The following SMG6 variants were observed in gnomAD, a reference collection of about 807,000 sequenced individuals.
SMG6 encodes SMG6 nonsense mediated mRNA decay factor, also known as telomerase-binding protein EST1A.
In SMG6, 66 loss-of-function variants were observed where a neutral mutation model predicts 142.2. That is an observed-to-expected ratio of 0.46 (90% CI 0.38 to 0.57). The LOEUF (loss-of-function observed/expected upper bound fraction) is 0.57, where lower values mean the gene tolerates loss of function less well. Among genes scored for constraint, SMG6 ranks in the 20% least tolerant of loss-of-function variants. The pLI is 0.00. For missense variants in SMG6, 1,793 were observed against 1,832.0 expected (o/e 0.98, Z 0.39); for synonymous variants, 779 against 702.4 (o/e 1.11, Z -1.72).
intron 10 of SMG6, among the ~76,000 whole-genome samples, chr17:2,225,740 T>C (rs2073296677): frequency 6.6e-6 from 1 of 152,222 alleles, no homozygotes. Flanking sequence ...CTTTTGATTT[T>C]GGCAAGGTGA....
rs906491954 is a variant in SMG6, at chr17:2,134,863, TTTAAAAAG to T, written c.3357+37787_3357+37794del. Among the ~76,000 whole-genome samples, 13 of 135,222 alleles carry T rather than the reference TTTAAAAAG, an allele frequency of 9.6e-5. No individual in the cohort carries two copies. In the Admixed American group the frequency reaches 9.7e-4, roughly 10 times the overall value. The allele number at this position is 135,222 out of a possible 152,430, so 88.7% of individuals were successfully genotyped here. A position where few individuals can be genotyped will look rare whatever the true frequency, so the allele number is the denominator to read the frequency against. On this transcript the variant is annotated intron_variant, in intron 13 of 18. Coordinates refer to ENST00000263073, the MANE Select transcript of SMG6 (RefSeq NM_017575.5). The stretch of plus-strand genomic sequence containing the variant: ...CTCCCTGTCATCATCCCAGACCTTT[TTTAAAAAG>T]TTTTATTTTAATTTATTTTTTTTTT...
chr17:2,235,628 C>G (rs570599098), intron 10 of SMG6: 17 of 152,654 alleles, frequency 1.1e-4, no homozygotes, highest in Admixed American at 3.9e-4. Context: ...ACCAAACACT[C>G]TCTGTCAGTG....
chr17:2,173,185 A>G, intron 12 of SMG6: 1 of 330,546 alleles, frequency 3.0e-6, no homozygotes, highest in Non-Finnish European at 5.8e-6. Context: ...GCTTACTCAA[A>G]CACTCTAGAC....
At chr17:2,221,599 T>A (rs2073171182) in intron 10 of SMG6, among the ~76,000 whole-genome samples, 1 of 152,234 alleles carries the variant, frequency 6.6e-6, no homozygotes, top group Non-Finnish European at 1.5e-5. Flanking sequence ...ATGCCAGATG[T>A]AAAATATGCA....
chr17:2,225,795 G>A (rs1274506953), intron 10 of SMG6, among the ~76,000 whole-genome samples: 2 of 152,168 alleles, frequency 1.3e-5, no homozygotes, highest in Admixed American at 1.3e-4. Flanking sequence ...AAGAAAAGAA[G>A]ACTAGTGCTG....
In SMG6 at chr17:2,300,302, G is replaced by C. The variant is rs141526751; in HGVS notation, c.451C>G (p.Arg151Gly). The C allele has an allele frequency of 2.5e-6, 4 of 1,614,016 alleles. No individual in the cohort carries two copies. Among genetic ancestry groups the C allele is most frequent in the Non-Finnish European group, 3.4e-6 (4 of 1,180,036 alleles). Reference protein sequence around the residue: ...PDLQIYQPGRRLQTVSKESAS... With the variant: ...PDLQIYQPGRGLQTVSKESAS... ...GATTCTTTGCTAACAGTCTGCAAAC[G>C]TCGTCCAGGCTGATAGATCTGCAGG... Residue 151 changes from arginine (R) to glycine (G), a missense_variant, in exon 2 of 19, where the codon CGT (arginine) becomes GGT (glycine). By Grantham distance (125) the Arg-to-Gly change is moderately radical. Around this residue, in one of 3 missense-constraint regions of SMG6, gnomAD observed 1,597 missense variants for 1,584.6 expected, o/e 1.01. Coordinates refer to ENST00000263073, the MANE Select transcript of SMG6 (RefSeq NM_017575.5).
At chr17:2,188,972 C>T (rs1453875760) in intron 10 of SMG6, among the ~76,000 whole-genome samples, 1 of 152,176 alleles carries the variant, frequency 6.6e-6, no homozygotes, top group East Asian at 1.9e-4. Context: ...CCTGAACGCG[C>T]CCGATCTCGT....
intron 11 of SMG6, 43 bp from the exon 12 acceptor site, chr17:2,186,874 GCC>G (rs749883137): frequency 6.3e-7 from 1 of 1,598,224 alleles, no homozygotes; most frequent in Non-Finnish European, 8.5e-7. Flanking sequence ...GTCTGCTGTA[GCC>G]CCCGAGTGAG....
In SMG6 at chr17:2,283,717, C is replaced by T. The variant is rs1243405008; in HGVS notation, c.2356G>A (p.Val786Ile). 6.2e-7 allele frequency: 1 copy of T among 1,613,994 alleles called. No homozygotes were observed. The highest frequency in any genetic ancestry group is 1.1e-5 in the South Asian group (1 of 91,052). The change falls in exon 7 of 19, where the codon GTC becomes ATC. Residue 786 changes from valine to isoleucine, a missense_variant. Coordinates refer to ENST00000263073, the MANE Select transcript of SMG6 (RefSeq NM_017575.5). ...GCTAAACTGCGCATATAGTAATAGA[C>T]AGCGTCAAGCTTCCTCCTCTGTGGA... ...AVYTRRKLDAVYYYMRSLAAS... is the reference protein window; with the variant it reads ...AVYTRRKLDAIYYYMRSLAAS...
chr17:2,171,610 G>A (rs1449307998), intron 13 of SMG6, among the ~76,000 whole-genome samples: 1 of 152,056 alleles, frequency 6.6e-6, no homozygotes, highest in Non-Finnish European at 1.5e-5. Context: ...CTGGGCTCAA[G>A]CGATCCGCCC....
intron 13 of SMG6, among the ~76,000 whole-genome samples, chr17:2,152,659 T>C (rs1372066411): frequency 6.6e-6 from 1 of 152,148 alleles, no homozygotes; most frequent in African/African-American, 2.4e-5. Context: ...CTAGTATAAT[T>C]ATTAAAAAAC....
At chr17:2,247,168 G>A (rs538490726) in intron 8 of SMG6, among the ~76,000 whole-genome samples, 2 of 152,308 alleles carry the variant, frequency 1.3e-5, no homozygotes, top group Admixed American at 6.5e-5. Flanking sequence ...GGATCTAAAT[G>A]CTCGCTTGAC....
chr17:2,160,324 A>T (rs2071136865), intron 13 of SMG6, among the ~76,000 whole-genome samples: 2 of 152,114 alleles, frequency 1.3e-5, no homozygotes, highest in Non-Finnish European at 2.9e-5. Context: ...GGTTCAAGTG[A>T]TTCTTGTGCC....
intron 13 of SMG6, among the ~76,000 whole-genome samples, chr17:2,114,249 G>A (rs1166144421): frequency 6.6e-6 from 1 of 152,018 alleles, no homozygotes; most frequent in African/African-American, 2.4e-5. Flanking sequence ...CAGCCTGGGT[G>A]ACAGAGTGGG....
chr17:2,121,078 C>T (rs551622030), intron 13 of SMG6, among the ~76,000 whole-genome samples: 3 of 152,186 alleles, frequency 2.0e-5, no homozygotes, highest in Non-Finnish European at 2.9e-5. Context: ...CTGTGGGCCA[C>T]GGGTTGGACA....
At chr17:2,099,446 A>C (rs927399624) in intron 13 of SMG6, among the ~76,000 whole-genome samples, 2 of 152,096 alleles carry the variant, frequency 1.3e-5, no homozygotes, top group African/African-American at 2.4e-5. Flanking sequence ...ACCTCCTAAG[A>C]AGTGACATTT....
At chr17:2,180,126 ACTC>A (rs925058195) in intron 12 of SMG6, among the ~76,000 whole-genome samples, 4 of 151,888 alleles carry the variant, frequency 2.6e-5, no homozygotes, top group African/African-American at 9.7e-5. Flanking sequence ...CTGTCGCTCT[ACTC>A]CTCTCCAGCA....
Position 2,237,453 on chromosome 17 carries a change from C to G in SMG6, c.2724-816G>C, listed in dbSNP as rs528471183. On this transcript the variant is annotated intron_variant, in intron 9 of 18. Transcript: ENST00000263073. The stretch of plus-strand genomic sequence containing the variant: ...CTGAGGTACTATCACACTGACTGTT[C>G]CGCCTAACGATCCCAAATTTCCCCT... 1.3e-4 allele frequency: 122 copies of G among 925,958 alleles called. 1 individual carries two copies. The South Asian group carries it at 5.5e-3, about 42-fold the overall frequency. The allele number at this position is 925,958 out of a possible 1,614,324, so 57.4% of individuals were successfully genotyped here. A position where few individuals can be genotyped will look rare whatever the true frequency, so the allele number is the denominator to read the frequency against.
chr17:2,164,790 AGCCAG>A (rs1439615256), intron 13 of SMG6, among the ~76,000 whole-genome samples: 1 of 152,090 alleles, frequency 6.6e-6, no homozygotes, highest in Non-Finnish European at 1.5e-5. Context: ...CACAAAAATT[AGCCAG>A]GCGTGGTGAC....
Sources: allele counts gnomAD v4.1 joint callset (sites outside exome capture counted in the v4.1 genomes callset), GRCh38; gene constraint gnomAD v4.1.1; regional missense constraint gnomAD v4.1.1; transcripts MANE v1.5; gene names NCBI Gene and HGNC (gene_info 2026-07-23, HGNC 2026-07-21).